PTPRD: variants seen among roughly 807,000 people sequenced by gnomAD.
The protein encoded by PTPRD is receptor-type tyrosine-protein phosphatase delta.
Under a neutral mutation model 214.5 loss-of-function variants are expected in PTPRD, and 34 were observed. That is an observed-to-expected ratio of 0.16 (90% CI 0.12 to 0.21). The LOEUF (loss-of-function observed/expected upper bound fraction) is 0.21. Among genes scored for constraint, PTPRD ranks in the 10% least tolerant of loss-of-function variants. The pLI is 1.00. For missense variants in PTPRD, 2,545 were observed against 2,398.7 expected (o/e 1.06, Z -1.27); for synonymous variants, 1,128 against 845.7 (o/e 1.33, Z -5.79).
intron 2 of PTPRD, among the ~76,000 whole-genome samples, chr9:10,491,927 T>A (rs1195002351): frequency 6.6e-6 from 1 of 152,166 alleles, no homozygotes; most frequent in Non-Finnish European, 1.5e-5. Context: ...TGTGTTCTCA[T>A]TGTTCAACTC....
At chr9:8,601,562 G>A (rs1198206048) in intron 14 of PTPRD, among the ~76,000 whole-genome samples, 1 of 152,138 alleles carries the variant, frequency 6.6e-6, no homozygotes, top group Non-Finnish European at 1.5e-5. Context: ...CATTTGTTTG[G>A]GAGAAAGTAA....
chr9:9,079,603 C>T (rs1240959454), intron 10 of PTPRD, among the ~76,000 whole-genome samples: 1 of 135,146 alleles, frequency 7.4e-6, no homozygotes, highest in Non-Finnish European at 1.5e-5. Flanking sequence ...CACTAGTTTA[C>T]AATTGGACTG....
At chr9:9,692,915 T>C (rs2097300524) in intron 7 of PTPRD, among the ~76,000 whole-genome samples, 1 of 152,066 alleles carries the variant, frequency 6.6e-6, no homozygotes, top group African/African-American at 2.4e-5. Context: ...TTTTATTTCT[T>C]TTTCATATTG....
At chr9:8,722,005 C>T (rs1380308619) in intron 12 of PTPRD, among the ~76,000 whole-genome samples, 2 of 152,206 alleles carry the variant, frequency 1.3e-5, no homozygotes, top group East Asian at 3.8e-4. Flanking sequence ...TGAGAGACCA[C>T]TGGGTTGTCA....
chr9:10,011,663 A>G (rs955921635), intron 4 of PTPRD, among the ~76,000 whole-genome samples: 2 of 152,022 alleles, frequency 1.3e-5, no homozygotes, highest in African/African-American at 4.8e-5. Flanking sequence ...CCTCAAAAAA[A>G]TATACATTGT....
intron 7 of PTPRD, among the ~76,000 whole-genome samples, chr9:9,623,689 C>T (rs2095323856): frequency 6.6e-6 from 1 of 152,194 alleles, no homozygotes; most frequent in East Asian, 1.9e-4. Flanking sequence ...TGGATGCTTG[C>T]TACAAATCCA....
chr9:8,500,710 A>G (rs943714807), intron 24 of PTPRD, 44 bp downstream of exon 24: 5 of 1,586,480 alleles, frequency 3.2e-6, no homozygotes, highest in Admixed American at 3.4e-5. Context: ...GCAGATCAAG[A>G]CTGTGTCAGA....
At chr9:9,292,214 A>G (rs1408324285) in intron 9 of PTPRD, among the ~76,000 whole-genome samples, 2 of 151,146 alleles carry the variant, frequency 1.3e-5, no homozygotes, top group Admixed American at 6.6e-5. Context: ...CTCTCTCAAT[A>G]TCATCTCATT....
chr9:8,500,200 T>C (rs749039702), intron 24 of PTPRD, among the ~76,000 whole-genome samples: 62 of 151,842 alleles, frequency 4.1e-4, no homozygotes, highest in Non-Finnish European at 7.6e-4. Context: ...AAAAACTGGC[T>C]GTTGATTGTT....
chr9:8,912,566 G>A (rs561602098), intron 11 of PTPRD, among the ~76,000 whole-genome samples: 33 of 152,200 alleles, frequency 2.2e-4, no homozygotes, highest in African/African-American at 7.9e-4. Context: ...AAGCCTGATT[G>A]TGGTAATAGA....
At chr9:10,135,711 C>A (rs1040080366) in intron 3 of PTPRD, among the ~76,000 whole-genome samples, 3 of 151,986 alleles carry the variant, frequency 2.0e-5, no homozygotes, top group Non-Finnish European at 2.9e-5. Flanking sequence ...ACTAGTATTA[C>A]AAGAGGTCCT....
intron 7 of PTPRD, among the ~76,000 whole-genome samples, chr9:9,592,476 A>C (rs1336447475): frequency 1.3e-5 from 2 of 152,036 alleles, no homozygotes; most frequent in African/African-American, 4.8e-5. Flanking sequence ...GGAGGTTGAC[A>C]TTGAGGAAAA....
intron 8 of PTPRD, among the ~76,000 whole-genome samples, chr9:9,419,716 G>T (rs1490429173): frequency 6.6e-6 from 1 of 151,558 alleles, no homozygotes; most frequent in Non-Finnish European, 1.5e-5. Context: ...AACACAGATG[G>T]CAAAATTACA....
In PTPRD at chr9:8,432,374, C is replaced by T. The variant is rs1009187308; in HGVS notation, c.4086+4218G>A. 5.9e-5 allele frequency among the ~76,000 whole-genome samples: 9 copies of T among 152,196 alleles called. 1 individual carries two copies. Among genetic ancestry groups the T allele is most frequent in the African/African-American group, 7.2e-5 (3 of 41,454 alleles). ...CACTAAATTCACTGTTGGAGTTCAA[C>T]GGCCTTTACAGTACAGGAAGTGTCT... is the stretch of plus-strand genomic sequence containing the variant. On this transcript the variant is annotated intron_variant, in intron 35 of 45. Transcript: ENST00000381196.
chr9:9,310,167 T>C (rs1226245377), intron 9 of PTPRD, among the ~76,000 whole-genome samples: 2 of 152,184 alleles, frequency 1.3e-5, no homozygotes, highest in Non-Finnish European at 2.9e-5. Context: ...GTTACTGTTT[T>C]GGATCTGCTG....
At chr9:8,929,034 A>AT (rs1236362450) in intron 11 of PTPRD, among the ~76,000 whole-genome samples, 36 of 152,116 alleles carry the variant, frequency 2.4e-4, no homozygotes, top group African/African-American at 8.7e-4. Flanking sequence ...TTGCATGTTG[A>AT]TTTTGTATCC....
In PTPRD at chr9:9,007,526, C is replaced by G. The variant is rs569964211; in HGVS notation, c.-104+11171G>C. Among the ~76,000 whole-genome samples the G allele has an allele frequency of 2.0e-5, 3 of 151,896 alleles. No individual in the cohort carries two copies. In the East Asian group the frequency reaches 5.8e-4, roughly 29 times the overall value. On this transcript the variant is annotated intron_variant, in intron 11 of 45. Coordinates refer to ENST00000381196, the MANE Select transcript of PTPRD (RefSeq NM_002839.4). ...CTTTTTTCTAAAATACTCCAATAAA[C>G]CAAATACAAACCTATCAATATTTCT...
intron 14 of PTPRD, among the ~76,000 whole-genome samples, chr9:8,541,919 C>A (rs978672937): frequency 1.3e-5 from 2 of 152,070 alleles, no homozygotes; most frequent in Admixed American, 6.5e-5. Context: ...GGAGTTCAGA[C>A]ATCTGGAAAA....
At chr9:10,349,018 G>A (rs560629050) in intron 2 of PTPRD, among the ~76,000 whole-genome samples, 1 of 152,148 alleles carries the variant, frequency 6.6e-6, no homozygotes, top group Non-Finnish European at 1.5e-5. Flanking sequence ...ACAGAACTCA[G>A]AGTCATCCCT....
Sources: allele counts gnomAD v4.1 joint callset (sites outside exome capture counted in the v4.1 genomes callset), GRCh38; gene constraint gnomAD v4.1.1; transcripts MANE v1.5; gene names NCBI Gene and HGNC (gene_info 2026-07-23, HGNC 2026-07-21).